Variants in MIA2 observed in about 807,000 individuals in gnomAD.
MIA2 encodes the protein MIA SH3 domain ER export factor 2, also known as melanoma inhibitory activity protein 2.
Under a neutral mutation model 167.8 loss-of-function variants are expected in MIA2, and 127 were observed. That is an observed-to-expected ratio of 0.76 (90% CI 0.66 to 0.88). The LOEUF (loss-of-function observed/expected upper bound fraction) is 0.88, where lower values mean the gene tolerates loss of function less well. Among genes scored for constraint, MIA2 ranks in the 40% least tolerant of loss-of-function variants. The pLI is 0.00. For missense variants in MIA2, 1,690 were observed against 1,624.7 expected, an observed-to-expected ratio of 1.04 and a Z score of -0.69; for synonymous variants, 552 against 541.9, an observed-to-expected ratio of 1.02 and a Z score of -0.26.
intron 9 of MIA2, among the ~76,000 whole-genome samples, chr14:39,280,451 G>A (rs1005444270): frequency 2.0e-5 from 3 of 152,022 alleles, no homozygotes; most frequent in African/African-American, 4.8e-5. Context: ...ATAAGAAACC[G>A]GCTGGGCACG....
intron 6 of MIA2, chr14:39,269,097 T>TTTTTTTTTTTTTTTTTTTA: frequency 1.1e-6 from 1 of 900,946 alleles, no homozygotes; most frequent in Non-Finnish European, 1.3e-6. Flanking sequence ...TTTTTTTTTT[T>TTTTTTTTTTTTTTTTTTTA]TTGCTAAATG....
chr14:39,335,643 G>A (rs1276853625), intron 25 of MIA2, among the ~76,000 whole-genome samples: 1 of 152,082 alleles, frequency 6.6e-6, no homozygotes, highest in Non-Finnish European at 1.5e-5. Flanking sequence ...CAGGGTACAT[G>A]TGCAGGTTTG....
rs1353094959 is a variant in MIA2 at position 39,294,939 on chromosome 14, C to T, written c.2406C>T (p.Phe802=). Residue 802 remains phenylalanine, a synonymous_variant, in exon 13 of 29, where the codon TTC becomes TTT. Transcript: ENST00000640607. ...GTTTCACTTAGGCCAAAATGACCTT[C>T]AAGATATTTCAAATGAATGAAGAAC... is the stretch of plus-strand genomic sequence containing the variant. The part of the protein sequence containing the change: ...KSQVAEAKMT[F]KIFQMNEERL... 1 of 1,612,012 alleles carries T rather than the reference C, an allele frequency of 6.2e-7. No homozygotes were observed. The highest frequency in any genetic ancestry group is 8.5e-7 in the Non-Finnish European group (1 of 1,178,950).
chr14:39,365,006 A>G (rs1424173370), intron 23 of MIA2, among the ~76,000 whole-genome samples: 1 of 151,848 alleles, frequency 6.6e-6, no homozygotes, highest in African/African-American at 2.4e-5. Context: ...TATATGTGAG[A>G]ACTTTTCAGC....
At chr14:39,378,784 A>G (rs2139352058) in intron 23 of MIA2, among the ~76,000 whole-genome samples, 1 of 152,320 alleles carries the variant, frequency 6.6e-6, no homozygotes, top group Non-Finnish European at 1.5e-5. Flanking sequence ...CAAACAAGCC[A>G]AATGTGTCTC....
chr14:39,314,795 G>A lies in MIA2; in HGVS notation c.3176G>A (p.Gly1059Glu). ...GAGAGAACTATTCATTCTTATCAAG[G>A]GCAGGTATATATATATGTGTGTGTG... ...ELERTIHSYQ[G>E]QIISHEKKAH... The change falls in exon 20 of 29, where the codon GGG becomes GAG. Residue 1059 changes from glycine to glutamate, a missense_variant. Physicochemically the swap from Gly to Glu is moderately conservative, Grantham distance 98 (BLOSUM62 -2). Coordinates refer to ENST00000640607, the MANE Select transcript of MIA2 (RefSeq NM_001329214.4). 7.0e-7 allele frequency: 1 copy of A among 1,437,258 alleles called. No individual in the cohort carries two copies. 89.0% of individuals were successfully genotyped at this position (1,437,258 alleles called of 1,614,324 possible).
At chr14:39,343,778 A>G (rs1331741984) in intron 25 of MIA2, among the ~76,000 whole-genome samples, 1 of 152,062 alleles carries the variant, frequency 6.6e-6, no homozygotes, top group African/African-American at 2.4e-5. Flanking sequence ...GCTGTATCTT[A>G]TTATGTGTAT....
At position 39,293,299 on chromosome 14, in the gene MIA2, A is replaced by G. The variant is rs750137503; in HGVS notation, c.2237A>G (p.Asn746Ser). The part of the protein sequence containing the change: ...EATCEKLNRS[N>S]SELEDEILCL... ...ACCTGTGAAAAGCTGAACAGGTCCA[A>G]TTCTGAACTTGAGGATGAAATACTC... Residue 746 changes from asparagine to serine, a missense_variant, in exon 11 of 29, where the codon AAT becomes AGT. Transcript: ENST00000640607. The G allele has an allele frequency of 1.4e-5, 23 of 1,612,618 alleles. No individual in the cohort carries two copies. Among genetic ancestry groups the G allele is most frequent in the South Asian group, 1.3e-4 (12 of 90,888 alleles).
chr14:39,310,418 G>C (rs1484278495), intron 18 of MIA2, among the ~76,000 whole-genome samples: 1 of 152,038 alleles, frequency 6.6e-6, no homozygotes, highest in Non-Finnish European at 1.5e-5. Context: ...GATAAACTTT[G>C]TTTAGGCATG....
chr14:39,314,810 A>ATGTG lies in MIA2; in HGVS notation c.3180+35_3180+38dup, dbSNP rs565052015. On this transcript the variant is annotated intron_variant, in intron 20 of 28. Transcript: ENST00000640607. ...TCTTATCAAGGGCAGGTATATATAT[A>ATGTG]TGTGTGTGTGTGTGTGTGTGTGTGT... 3.2e-4 allele frequency: 342 copies of ATGTG among 1,066,016 alleles called. 1 individual carries two copies. In the African/African-American group the frequency reaches 4.1e-3, roughly 13 times the overall value. The allele number at this position is 1,066,016 out of a possible 1,614,324, so 66.0% of individuals were successfully genotyped here. A position where few individuals can be genotyped will look rare whatever the true frequency, so the allele number is the denominator to read the frequency against.
intron 6 of MIA2, chr14:39,269,087 T>C: frequency 1.0e-6 from 1 of 960,702 alleles, no homozygotes; most frequent in Non-Finnish European, 1.2e-6. Context: ...TTTTTTTTTT[T>C]TTTTTTTTTT....
intron 24 of MIA2, among the ~76,000 whole-genome samples, chr14:39,326,502 T>C (rs946029469): frequency 1.3e-5 from 2 of 151,968 alleles, no homozygotes; most frequent in African/African-American, 4.8e-5. Flanking sequence ...ATTAGTAGAA[T>C]AGATATAGAA....
chr14:39,286,696 CT>C lies in MIA2; in HGVS notation c.2131-4308del, dbSNP rs35159773. Among the ~76,000 whole-genome samples the C allele has an allele frequency of 2.2e-3, 315 of 142,674 alleles. 2 individuals are homozygous for C. Among genetic ancestry groups the C allele is most frequent in the African/African-American group, 7.7e-3 (299 of 38,764 alleles). The allele number at this position is 142,674 out of a possible 152,430, so 93.6% of individuals were successfully genotyped here. ...TTATCCTTCTCTTCCTTCCTTCTTA[CT>C]TTTTTTTTTTTTTTGAGACAGGCTC... On this transcript the variant is annotated intron_variant, in intron 9 of 28. Coordinates refer to ENST00000640607, the MANE Select transcript of MIA2 (RefSeq NM_001329214.4).
chr14:39,302,382 C>A, intron 15 of MIA2, 133 bp downstream of exon 15: 2 of 982,056 alleles, frequency 2.0e-6, no homozygotes, highest in Non-Finnish European at 3.0e-6. Context: ...GACACACTGT[C>A]CTTTCTCACC....
intron 3 of MIA2, among the ~76,000 whole-genome samples, chr14:39,246,082 T>TTTTATTTATTTATTTATTTATTTATTTA (rs71130832): frequency 4.9e-5 from 7 of 143,368 alleles, no homozygotes; most frequent in African/African-American, 1.3e-4. Context: ...TTTTAAAAAT[T>TTTTATTTATTTATTTATTTATTTATTTA]TTTATTTATT....
intron 25 of MIA2, among the ~76,000 whole-genome samples, chr14:39,331,918 C>T (rs1425036749): frequency 2.6e-5 from 4 of 152,064 alleles, no homozygotes; most frequent in Admixed American, 6.6e-5. Flanking sequence ...CTGAATCTGA[C>T]GATTATGTAT....
At chr14:39,286,940 G>T (rs374351748) in intron 9 of MIA2, among the ~76,000 whole-genome samples, 1 of 151,864 alleles carries the variant, frequency 6.6e-6, no homozygotes, top group Non-Finnish European at 1.5e-5. Flanking sequence ...TGGACAGGCT[G>T]GTCTCGAACT....
At chr14:39,325,238 A>AT (rs2067250557) in intron 24 of MIA2, among the ~76,000 whole-genome samples, 1 of 151,008 alleles carries the variant, frequency 6.6e-6, no homozygotes, top group African/African-American at 2.4e-5. Context: ...AAAAAAAAAA[A>AT]TGTTTTTAAA....
intron 9 of MIA2, among the ~76,000 whole-genome samples, chr14:39,285,019 G>A (rs2152781486): frequency 6.6e-6 from 1 of 152,178 alleles, no homozygotes; most frequent in East Asian, 1.9e-4. Flanking sequence ...TTAATCCATT[G>A]TTAACCCTGA....
Sources: allele counts gnomAD v4.1 joint callset (sites outside exome capture counted in the v4.1 genomes callset), GRCh38; gene constraint gnomAD v4.1.1; transcripts MANE v1.5; gene names NCBI Gene and HGNC (gene_info 2026-07-23, HGNC 2026-07-21).